ZPBP: variants seen among roughly 807,000 people sequenced by gnomAD.
ZPBP encodes zona pellucida binding protein.
In ZPBP, 26 loss-of-function variants were observed where a neutral mutation model predicts 44.8. The observed-to-expected ratio is 0.58, with a 90% CI of 0.43 to 0.81. The LOEUF (loss-of-function observed/expected upper bound fraction) is 0.81, where lower values mean the gene tolerates loss of function less well. Among genes scored for constraint, ZPBP ranks in the 30% least tolerant of loss-of-function variants. The probability of loss-of-function intolerance (pLI) is 0.00; values close to 1 mark genes in which losing one functional copy is unlikely to be tolerated. For synonymous variants in ZPBP, 174 were observed against 153.2 expected (o/e 1.14, Z -1.00); for missense variants, 409 against 434.0 (o/e 0.94, Z 0.51).
the ZPBP span, among the ~76,000 whole-genome samples, chr7:49,841,765 C>T: frequency 6.6e-6 from 1 of 152,142 alleles, no homozygotes; most frequent in African/African-American, 2.4e-5. Context: ...TTTTTGCAGA[C>T]ATTTTTCATG....
intron 2 of ZPBP, among the ~76,000 whole-genome samples, chr7:49,867,715 G>A (rs1189680433): frequency 2.6e-5 from 4 of 152,184 alleles, no homozygotes; most frequent in Non-Finnish European, 5.9e-5. Context: ...AGTCAGCCAC[G>A]ATCCCATTAC....
intron 2 of ZPBP, among the ~76,000 whole-genome samples, chr7:49,878,748 G>C (rs1411009908): frequency 6.6e-6 from 1 of 152,076 alleles, no homozygotes; most frequent in African/African-American, 2.4e-5. Context: ...CTCCTGTACT[G>C]CTGATATTTT....
chr7:49,877,163 CA>C (rs1791445162), intron 2 of ZPBP, among the ~76,000 whole-genome samples: 1 of 151,734 alleles, frequency 6.6e-6, no homozygotes, highest in South Asian at 2.1e-4. Context: ...TCTCAGTGCT[CA>C]AAAATATTTA....
chr7:49,883,283 G>T (rs190232324), intron 2 of ZPBP, among the ~76,000 whole-genome samples: 1 of 152,174 alleles, frequency 6.6e-6, no homozygotes, highest in Non-Finnish European at 1.5e-5. Flanking sequence ...GCGAATCCAG[G>T]GCACTGCCAT....
intron 5 of ZPBP, among the ~76,000 whole-genome samples, chr7:50,023,447 T>TA (rs35212834): frequency 8.6e-5 from 13 of 150,860 alleles, no homozygotes; most frequent in South Asian, 4.2e-4. Context: ...AACAAGACGA[T>TA]AAAAAAAAAT....
intron 7 of ZPBP, among the ~76,000 whole-genome samples, chr7:49,956,957 T>C (rs1007119878): frequency 6.6e-6 from 1 of 152,216 alleles, no homozygotes; most frequent in Non-Finnish European, 1.5e-5. Flanking sequence ...CAAACTCATG[T>C]TGAAATTTAA....
In ZPBP at chr7:49,969,818, T is replaced by TAG. The variant is rs34673727; in HGVS notation, c.961+13522_961+13523dup. Among the ~76,000 whole-genome samples the TAG allele has an allele frequency of 1.7e-3, 207 of 123,496 alleles. 1 individual carries two copies. The highest frequency in any genetic ancestry group is 3.5e-3 in the Admixed American group (44 of 12,634). The allele number at this position is 123,496 out of a possible 152,430, so 81.0% of individuals were successfully genotyped here. A position where few individuals can be genotyped will look rare whatever the true frequency, so the allele number is the denominator to read the frequency against. ...GTTAATAAATGTATATATATATATA[T>TAG]AGAGAGAGAGAGAGAGAGAGAGAGA... is the stretch of plus-strand genomic sequence containing the variant. On this transcript the variant is annotated intron_variant, in intron 7 of 7. Transcript: ENST00000046087.
At chr7:49,966,876 C>T (rs12540153) in intron 7 of ZPBP, among the ~76,000 whole-genome samples, 118,120 of 151,884 alleles carry the variant, frequency 0.78, 46,091 homozygotes, top group East Asian at 0.89. Flanking sequence ...GGTGTAAATT[C>T]CCATGGCATA....
Position 49,874,445 on chromosome 7 carries a change from A to AT in ZPBP, n.510-23932_510-23931insA, listed in dbSNP as rs1562745356. 6.6e-4 allele frequency among the ~76,000 whole-genome samples: 100 copies of AT among 151,986 alleles called. 1 individual carries two copies. Among genetic ancestry groups the AT allele is most frequent in the African/African-American group, 2.1e-3 (88 of 41,444 alleles). On this transcript the variant is annotated intron_variant and non_coding_transcript_variant, in intron 2 of 2. Coordinates refer to the ZPBP transcript ENST00000465922. Reference sequence around the variant, plus strand: ...AGGTGTGTAGAAGGCTGTACTATCTAGGTCTGTGCAAGTGCACCCTCTGAT... The same window carrying AT: ...AGGTGTGTAGAAGGCTGTACTATCTATGGTCTGTGCAAGTGCACCCTCTGAT...
At position 49,978,080 on chromosome 7, in the gene ZPBP, TG is replaced by T. The variant is rs1467827140; in HGVS notation, c.961+5261del. Among the ~76,000 whole-genome samples the T allele has an allele frequency of 7.3e-4, 83 of 113,076 alleles. 1 individual carries two copies. The South Asian group carries it at 0.022, about 29-fold the overall frequency. 74.2% of individuals were successfully genotyped at this position (113,076 alleles called of 152,430 possible). A position where few individuals can be genotyped will look rare whatever the true frequency, so the allele number is the denominator to read the frequency against. On this transcript the variant is annotated intron_variant, in intron 7 of 7. Coordinates refer to ENST00000046087, the MANE Select transcript of ZPBP (RefSeq NM_007009.3). The stretch of plus-strand genomic sequence containing the variant: ...ACAAGTTTGTTTGTTTTTGGTTTTT[TG>T]TTTTTTTTTTTTTGAAAAACTAGCA...
intron 3 of ZPBP, among the ~76,000 whole-genome samples, chr7:50,063,726 C>T (rs999319719): frequency 2.6e-5 from 4 of 152,180 alleles, no homozygotes; most frequent in African/African-American, 9.7e-5. Flanking sequence ...TTCTAGGCAA[C>T]AGTTGGTTAA....
rs961815637 is a variant in ZPBP, at chr7:49,989,198, C to T, written c.784-5679G>A. Among the ~76,000 whole-genome samples, 19 of 152,258 alleles carry T rather than the reference C, an allele frequency of 1.2e-4. No homozygotes were observed. In the Middle Eastern group the frequency reaches 0.01, roughly 82 times the overall value. On this transcript the variant is annotated intron_variant, in intron 6 of 7. Coordinates refer to ENST00000046087, the MANE Select transcript of ZPBP (RefSeq NM_007009.3). ...ATGCTTCCCTTTAAGGAATCAAGCT[C>T]GACTTGCAGATAAAGGTCCCATGGG...
intron 5 of ZPBP, among the ~76,000 whole-genome samples, chr7:50,020,258 A>C (rs1799024180): frequency 1.3e-5 from 2 of 152,100 alleles, no homozygotes; most frequent in African/African-American, 4.8e-5. Flanking sequence ...AAATTTTCTT[A>C]CTTTTGAATC....
chr7:49,884,666 G>C (rs1279812024), intron 2 of ZPBP, among the ~76,000 whole-genome samples: 1 of 152,160 alleles, frequency 6.6e-6, no homozygotes, highest in Non-Finnish European at 1.5e-5. Flanking sequence ...TTCCTCAGGA[G>C]AGCAGGACCT....
chr7:50,010,498 G>A (rs770394563), intron 6 of ZPBP, among the ~76,000 whole-genome samples: 3 of 151,768 alleles, frequency 2.0e-5, no homozygotes, highest in East Asian at 1.9e-4. Flanking sequence ...CATCTTTGAC[G>A]GGAAATGTAA....
chr7:49,890,986 T>C (rs367573702), intron 2 of ZPBP, among the ~76,000 whole-genome samples: 1 of 152,058 alleles, frequency 6.6e-6, no homozygotes. Flanking sequence ...ATGGGCTAAA[T>C]AGGAAAGAAC....
rs556207592 is a variant in ZPBP, at chr7:49,924,599, G to A, written n.411+11152C>T. 7.9e-5 allele frequency among the ~76,000 whole-genome samples: 12 copies of A among 152,236 alleles called. No individual in the cohort carries two copies. In the East Asian group the frequency reaches 2.1e-3, roughly 27 times the overall value. Reference sequence around the variant, plus strand: ...GGTCCCAGCTACTCAGGAGGCCAAGGTCAAAGGAGAAGTCATAATAGAATG... The same window carrying A: ...GGTCCCAGCTACTCAGGAGGCCAAGATCAAAGGAGAAGTCATAATAGAATG... On this transcript the variant is annotated intron_variant and non_coding_transcript_variant, in intron 1 of 2. Coordinates refer to the ZPBP transcript ENST00000465922.
At chr7:50,076,985 C>A (rs145552390) in intron 3 of ZPBP, among the ~76,000 whole-genome samples, 69 of 152,046 alleles carry the variant, frequency 4.5e-4, no homozygotes, top group African/African-American at 1.6e-3. Context: ...ATCACATTAT[C>A]TGACTTCAAA....
intron 7 of ZPBP, among the ~76,000 whole-genome samples, chr7:49,944,714 T>C (rs1301359787): frequency 6.6e-6 from 1 of 152,188 alleles, no homozygotes; most frequent in Non-Finnish European, 1.5e-5. Context: ...GCAGACGCAA[T>C]GTCTACTGTT....
Sources: allele counts gnomAD v4.1 joint callset (sites outside exome capture counted in the v4.1 genomes callset), GRCh38; gene constraint gnomAD v4.1.1; transcripts MANE v1.5; gene names NCBI Gene and HGNC (gene_info 2026-07-23, HGNC 2026-07-21).